Variants in SYN2 observed in about 807,000 individuals in gnomAD.
The protein encoded by SYN2 is synapsin II.
In SYN2, 19 loss-of-function variants were observed where a neutral mutation model predicts 50.9. That is an observed-to-expected ratio of 0.37 (90% CI 0.26 to 0.55). The LOEUF (loss-of-function observed/expected upper bound fraction) is 0.55. Among genes scored for constraint, SYN2 ranks in the 20% least tolerant of loss-of-function variants. The probability of loss-of-function intolerance (pLI) is 0.81; values close to 1 mark genes in which losing one functional copy is unlikely to be tolerated. For synonymous variants in SYN2, 255 were observed against 224.9 expected (o/e 1.13, Z -1.20); for missense variants, 587 against 576.4 (o/e 1.02, Z -0.19).
intron 1 of SYN2, among the ~76,000 whole-genome samples, chr3:12,040,843 T>G (rs939614953): frequency 3.9e-5 from 6 of 152,208 alleles, no homozygotes; most frequent in Admixed American, 1.3e-4. Flanking sequence ...CTTTGCTTAA[T>G]GTAGATTGTA....
At position 12,158,631 on chromosome 3, in the gene SYN2, G is replaced by A. The variant is rs376345710; in HGVS notation, c.775-2915G>A. 8.9e-5 allele frequency: 141 copies of A among 1,586,624 alleles called. No individual in the cohort carries two copies. The African/African-American group carries it at 1.7e-3, about 19-fold the overall frequency. On this transcript the variant is annotated intron_variant, in intron 5 of 12. Coordinates refer to ENST00000621198, the MANE Select transcript of SYN2 (RefSeq NM_133625.6). ...TCCTCCCTTTTCCTCTGGACTCCTG[G>A]TGTACTGCTGGCCAGATACTAATCC... is the stretch of plus-strand genomic sequence containing the variant.
At chr3:12,066,731 G>T (rs1243280738) in intron 1 of SYN2, among the ~76,000 whole-genome samples, 1 of 152,106 alleles carries the variant, frequency 6.6e-6, no homozygotes, top group East Asian at 1.9e-4. Context: ...TTCTGTTCAA[G>T]AACCTCTTTA....
intron 3 of SYN2, among the ~76,000 whole-genome samples, chr3:12,142,811 C>T (rs879371742): frequency 8.5e-5 from 13 of 152,172 alleles, no homozygotes; most frequent in Non-Finnish European, 1.2e-4. Flanking sequence ...TCACTCTCTT[C>T]TCCACCTCAA....
chr3:12,182,301 T>C (rs1698238851), intron 10 of SYN2, among the ~76,000 whole-genome samples: 1 of 152,124 alleles, frequency 6.6e-6, no homozygotes, highest in Admixed American at 6.5e-5. Flanking sequence ...ACTGAGGACA[T>C]GCTTGTTTTT....
At chr3:12,007,488 G>T (rs569588328) in intron 1 of SYN2, among the ~76,000 whole-genome samples, 4 of 152,134 alleles carry the variant, frequency 2.6e-5, no homozygotes, top group Non-Finnish European at 5.9e-5. Flanking sequence ...CGTGACAAGC[G>T]CAGTGACTTA....
At chr3:12,145,540 T>A in intron 3 of SYN2, 139 bp from the exon 4 acceptor site, 1 of 1,001,244 alleles carries the variant, frequency 1.0e-6, no homozygotes. Context: ...GTCTCTAAAA[T>A]AACAACAGTA....
At chr3:12,168,955 G>A (rs921741038) in intron 9 of SYN2, among the ~76,000 whole-genome samples, 10 of 152,206 alleles carry the variant, frequency 6.6e-5, no homozygotes, top group African/African-American at 2.4e-4. Flanking sequence ...AGGAAAGCCA[G>A]TGGCAGTATG....
intron 1 of SYN2, among the ~76,000 whole-genome samples, chr3:12,057,991 T>TC (rs1695032170): frequency 6.6e-6 from 1 of 152,154 alleles, no homozygotes; most frequent in African/African-American, 2.4e-5. Flanking sequence ...TATTCTGTGG[T>TC]CCCATTCCCC....
At chr3:12,128,684 A>G (rs1056545970) in intron 1 of SYN2, among the ~76,000 whole-genome samples, 3 of 152,224 alleles carry the variant, frequency 2.0e-5, no homozygotes, top group Admixed American at 1.3e-4. Context: ...TGGAAAAAAC[A>G]TGTATTTGTC....
At chr3:12,155,322 T>C (rs1436723606) in intron 5 of SYN2, among the ~76,000 whole-genome samples, 3 of 152,214 alleles carry the variant, frequency 2.0e-5, no homozygotes, top group South Asian at 4.1e-4. Flanking sequence ...CAAAGTGCAG[T>C]ATAAGAACAA....
chr3:12,093,708 C>G (rs1015795342), intron 1 of SYN2, among the ~76,000 whole-genome samples: 14 of 152,110 alleles, frequency 9.2e-5, no homozygotes, highest in African/African-American at 3.4e-4. Context: ...TCCACATTAG[C>G]GTCTTTTTTC....
rs576424934 is a variant in SYN2 at position 12,177,936 on chromosome 3, C to G, written c.1309-5376C>G. On this transcript the variant is annotated intron_variant, in intron 10 of 12. Transcript: ENST00000621198. Reference sequence around the variant, plus strand: ...TCTGCAAGCAGAGAAGCAACTCCCCCCAGGAGGGAAGGAGAAGCGGCTCAT... The same window carrying G: ...TCTGCAAGCAGAGAAGCAACTCCCCGCAGGAGGGAAGGAGAAGCGGCTCAT... Among the ~76,000 whole-genome samples, 23 of 152,284 alleles carry G rather than the reference C, an allele frequency of 1.5e-4. 1 individual carries two copies. In the South Asian group the frequency reaches 4.1e-3, roughly 27 times the overall value.
chr3:12,144,476 A>AGGG, intron 3 of SYN2, among the ~76,000 whole-genome samples: 1 of 152,304 alleles, frequency 6.6e-6, no homozygotes, highest in South Asian at 2.1e-4. Context: ...AGTGTGGTGA[A>AGGG]GGGAGCCAAG....
At chr3:12,076,072 C>T (rs1695461390) in intron 1 of SYN2, among the ~76,000 whole-genome samples, 2 of 152,092 alleles carry the variant, frequency 1.3e-5, no homozygotes, top group African/African-American at 4.8e-5. Flanking sequence ...GAGTAACAAG[C>T]TCAAGTCACA....
In SYN2 at chr3:12,107,388, G is replaced by GC. The variant is rs1355233709; in HGVS notation, c.378-33262dup. 3.9e-5 allele frequency among the ~76,000 whole-genome samples: 6 copies of GC among 152,150 alleles called. No homozygotes were observed. In the East Asian group the frequency reaches 1.2e-3, roughly 29 times the overall value. ...GTAGTTATGAGTGATGGATGTCGTT[G>GC]CAGTATAATAACATTTGCTCGGTCC... On this transcript the variant is annotated intron_variant, in intron 1 of 12. Coordinates refer to ENST00000621198, the MANE Select transcript of SYN2 (RefSeq NM_133625.6).
rs1574961499 is a variant in SYN2 at position 12,139,018 on chromosome 3, G to C, written c.378-1633G>C. Among the ~76,000 whole-genome samples the C allele has an allele frequency of 2.0e-5, 3 of 152,310 alleles. No homozygotes were observed. The East Asian group carries it at 5.8e-4, about 29-fold the overall frequency. The stretch of plus-strand genomic sequence containing the variant: ...ATACTACCGGGCCCCTGCCTGAGGG[G>C]CTCGCTGAGCTGTGAATGTTGATCA... On this transcript the variant is annotated intron_variant, in intron 1 of 12. Transcript: ENST00000621198.
At chr3:12,008,156 T>A (rs980744637) in intron 1 of SYN2, among the ~76,000 whole-genome samples, 6 of 152,182 alleles carry the variant, frequency 3.9e-5, no homozygotes, top group Non-Finnish European at 8.8e-5. Flanking sequence ...AGCGAAGAGA[T>A]ACGTTTTCTC....
chr3:12,142,698 A>G (rs555393132), intron 3 of SYN2, among the ~76,000 whole-genome samples: 61 of 152,234 alleles, frequency 4.0e-4, no homozygotes, highest in African/African-American at 1.4e-3. Context: ...GAGCTGGGAG[A>G]GGGGGCGGCG....
chr3:12,144,210 G>A (rs1319908416), intron 3 of SYN2, among the ~76,000 whole-genome samples: 1 of 152,212 alleles, frequency 6.6e-6, no homozygotes, highest in African/African-American at 2.4e-5. Context: ...GAGGGGAAAC[G>A]CAGGAGCTTT....
Sources: gnomAD v4.1 joint callset for allele counts (sites outside exome capture counted in the v4.1 genomes callset) on GRCh38, gnomAD v4.1.1 for gene constraint, MANE v1.5 for transcripts, NCBI Gene and HGNC (gene_info 2026-07-23, HGNC 2026-07-21) for gene names.